The following NFIX variants were observed in gnomAD, a reference collection of about 807,000 sequenced individuals.
NFIX encodes the protein nuclear factor 1 X-type.
A neutral mutation model predicts 53.3 loss-of-function variants in NFIX; 2 were observed. The observed-to-expected ratio is 0.04, with a 90% CI of 0.02 to 0.12. NFIX has a LOEUF of 0.12. Among genes scored for constraint, NFIX ranks in the 10% least tolerant of loss-of-function variants. The pLI, the probability that NFIX is intolerant of heterozygous loss-of-function variation, is 1.00. For synonymous variants in NFIX, 244 were observed against 289.0 expected, an observed-to-expected ratio of 0.84 and a Z score of 1.58; for missense variants, 310 against 674.5, an observed-to-expected ratio of 0.46 and a Z score of 5.99.
chr19:13,004,739 A>G (rs981938494), intron 1 of NFIX, among the ~76,000 whole-genome samples: 3 of 151,994 alleles, frequency 2.0e-5, no homozygotes, highest in Admixed American at 2.0e-4. Context: ...GCAGTCTTCT[A>G]GACTCCGTGG....
intron 2 of NFIX, among the ~76,000 whole-genome samples, chr19:13,065,668 T>C (rs1405511759): frequency 6.6e-6 from 1 of 152,112 alleles, no homozygotes; most frequent in Non-Finnish European, 1.5e-5. Flanking sequence ...TCTCTCTCCT[T>C]TGCTGGCCAC....
chr19:13,075,490 C>G (rs771057967), intron 5 of NFIX, 45 bp from the exon 6 acceptor site: 1 of 1,605,440 alleles, frequency 6.2e-7, no homozygotes, highest in East Asian at 2.2e-5. Flanking sequence ...CTCCCTGGAG[C>G]CTCAGCCCAT....
intron 2 of NFIX, among the ~76,000 whole-genome samples, chr19:13,064,216 A>G (rs369541908): frequency 3.3e-5 from 5 of 152,290 alleles, no homozygotes; most frequent in African/African-American, 1.2e-4. Context: ...CCCCACCATC[A>G]CATGACTCTT....
rs369080075 is a variant in NFIX, at chr19:13,090,408, C to T, written c.1494+18C>T. 4.7e-5 allele frequency: 75 copies of T among 1,609,780 alleles called. No individual in the cohort carries two copies. In the African/African-American group the frequency reaches 9.6e-4, roughly 21 times the overall value. ...AGTCTCAGGTAGGAGACCCTGCCCACCACCTGGATGCAGGGACCAGGGGAG... is the reference window on the plus strand; with the variant it reads ...AGTCTCAGGTAGGAGACCCTGCCCATCACCTGGATGCAGGGACCAGGGGAG... On this transcript the variant is annotated intron_variant, in intron 10 of 10. Coordinates refer to ENST00000592199, the MANE Select transcript of NFIX (RefSeq NM_001365902.3). This position sits in a 1 kb window ranked among gnomAD's most constrained non-coding sequence, Gnocchi z 6.6.
intron 1 of NFIX, 74 bp from the exon 2 acceptor site, chr19:13,024,947 T>C: frequency 1.3e-6 from 2 of 1,539,830 alleles, no homozygotes; most frequent in Non-Finnish European, 1.8e-6. Context: ...TCTCCTTCTC[T>C]CTTTCCCCCT....
In NFIX at chr19:13,006,550, A is replaced by G. The variant is rs1036955078; in HGVS notation, c.27+10686A>G. Among the ~76,000 whole-genome samples the G allele has an allele frequency of 6.6e-6, 1 of 152,200 alleles. No homozygotes were observed. On this transcript the variant is annotated intron_variant, in intron 1 of 10. Transcript: ENST00000592199. The surrounding 1 kb of genome is among the most constrained non-coding windows in gnomAD (Gnocchi z 5.6). Reference sequence around the variant, plus strand: ...CTGAGCTGGGGGATGGGGCAGGGGCAGCTGGTGGCCCAGAGTGGCACTTCC... The same window carrying G: ...CTGAGCTGGGGGATGGGGCAGGGGCGGCTGGTGGCCCAGAGTGGCACTTCC...
chr19:13,008,891 C>T (rs1364165116), intron 1 of NFIX, among the ~76,000 whole-genome samples: 4 of 152,272 alleles, frequency 2.6e-5, no homozygotes, highest in Non-Finnish European at 2.9e-5. Flanking sequence ...CCACTGAATC[C>T]GATGGAAAAG....
At position 13,074,186 on chromosome 19, in the gene NFIX, C is replaced by T. The variant is rs544475700; in HGVS notation, c.818+160C>T. The stretch of plus-strand genomic sequence containing the variant: ...CTCTAACACTTTAGAGTCCACCATG[C>T]GCAGTCACCCACTGAGCTGCTTTGT... On this transcript the variant is annotated intron_variant, in intron 5 of 10. Transcript: ENST00000592199. Among the ~76,000 whole-genome samples, 23 of 152,308 alleles carry T rather than the reference C, an allele frequency of 1.5e-4. No homozygotes were observed. The South Asian group carries it at 2.7e-3, about 18-fold the overall frequency.
At chr19:13,047,710 C>T (rs1337669391) in intron 2 of NFIX, among the ~76,000 whole-genome samples, 6 of 152,138 alleles carry the variant, frequency 3.9e-5, no homozygotes, top group Non-Finnish European at 7.4e-5. Flanking sequence ...CCTTGCTTCC[C>T]GGACATCCCC....
At chr19:13,039,325 G>A in intron 2 of NFIX, among the ~76,000 whole-genome samples, 1 of 151,978 alleles carries the variant, frequency 6.6e-6, no homozygotes, top group Non-Finnish European at 1.5e-5. Context: ...AGTAACTGAG[G>A]ATGATGGTAC....
intron 2 of NFIX, among the ~76,000 whole-genome samples, chr19:13,065,859 G>A (rs2145396361): frequency 6.6e-6 from 1 of 152,310 alleles, no homozygotes; most frequent in Non-Finnish European, 1.5e-5. Context: ...ACTCCCTGGA[G>A]GGCTCCGGGG....
chr19:13,015,352 G>A (rs950595404), intron 1 of NFIX, among the ~76,000 whole-genome samples: 1 of 152,152 alleles, frequency 6.6e-6, no homozygotes, highest in Non-Finnish European at 1.5e-5. Context: ...AGCCAGGGAA[G>A]GGGTAGGCAG....
At chr19:13,059,298 G>A (rs1471792232) in intron 2 of NFIX, among the ~76,000 whole-genome samples, 1 of 152,192 alleles carries the variant, frequency 6.6e-6, no homozygotes, top group Non-Finnish European at 1.5e-5. Context: ...CTGGGTCTGC[G>A]CCTGTCGCCT....
intron 2 of NFIX, among the ~76,000 whole-genome samples, chr19:13,055,396 C>G (rs950562904): frequency 3.3e-5 from 5 of 152,236 alleles, no homozygotes; most frequent in Non-Finnish European, 4.4e-5. Flanking sequence ...GTCCTTCTTG[C>G]ATCCGGGGGC....
chr19:12,995,639 C>G lies in NFIX; in HGVS notation c.-199C>G, dbSNP rs866364266. 27 of 143,752 alleles carry G rather than the reference C, an allele frequency of 1.9e-4. 1 individual carries two copies. The South Asian group carries it at 5.0e-3, about 27-fold the overall frequency. The allele number at this position is 143,752 out of a possible 1,614,324, so 8.9% of individuals were successfully genotyped here. A position where few individuals can be genotyped will look rare whatever the true frequency, so the allele number is the denominator to read the frequency against. ...GCGGCGGCGGCGGCGGCAGCGGCGG[C>G]CCCGGAGCCGGCGGGGCCGAGCTTG... On this transcript the variant is annotated 5_prime_UTR_variant, in exon 1 of 11. Transcript: ENST00000592199.
chr19:13,073,555 T>C lies in NFIX; in HGVS notation c.697+59T>C. On this transcript the variant is annotated intron_variant, in intron 4 of 10. Transcript: ENST00000592199. The surrounding 1 kb of genome is among the most constrained non-coding windows in gnomAD (Gnocchi z 4.5). The stretch of plus-strand genomic sequence containing the variant: ...GGATTGAAAGTGAGGAGGTGGGACC[T>C]CATGGGATGTCCTCCTAATGGGGTC... 6.9e-6 allele frequency: 10 copies of C among 1,444,654 alleles called. No individual in the cohort carries two copies. The highest frequency in any genetic ancestry group is 9.7e-6 in the Non-Finnish European group (10 of 1,026,214). The allele number at this position is 1,444,654 out of a possible 1,614,324, so 89.5% of individuals were successfully genotyped here. A position where few individuals can be genotyped will look rare whatever the true frequency, so the allele number is the denominator to read the frequency against.
At chr19:13,079,827 C>T (rs1477424202) in intron 7 of NFIX, among the ~76,000 whole-genome samples, 4 of 152,176 alleles carry the variant, frequency 2.6e-5, no homozygotes, top group Non-Finnish European at 5.9e-5. Context: ...TGGAAACAGA[C>T]GGGAGGAGGA....
chr19:13,038,764 G>T (rs905493862), intron 2 of NFIX, among the ~76,000 whole-genome samples: 1 of 152,164 alleles, frequency 6.6e-6, no homozygotes, highest in Admixed American at 6.5e-5. Context: ...TGCTGGCCTC[G>T]GACAGGGCCC....
chr19:13,075,535 C>T lies in NFIX; in HGVS notation c.819C>T (p.Ser273=). 6.2e-7 allele frequency: 1 copy of T among 1,613,546 alleles called. No individual in the cohort carries two copies. The highest frequency in any genetic ancestry group is 8.5e-7 in the Non-Finnish European group (1 of 1,179,670). The part of the protein sequence containing the change: ...RRSITSPPST[S]TTKRPKSIDD... Reference sequence around the variant, plus strand: ...ATGTGACCCTTTCTTTCTTCCCCAGCACCACCAAGCGCCCCAAGTCCATCG... The same window carrying T: ...ATGTGACCCTTTCTTTCTTCCCCAGTACCACCAAGCGCCCCAAGTCCATCG... Residue 273 remains serine, a splice_region_variant and synonymous_variant, in exon 6 of 11, where the codon AGC becomes AGT. Transcript: ENST00000592199.
Sources: gnomAD v4.1 joint callset for allele counts (sites outside exome capture counted in the v4.1 genomes callset) on GRCh38, gnomAD v4.1.1 for gene constraint, Gnocchi (gnomAD v3.1) non-coding constraint, MANE v1.5 for transcripts, NCBI Gene and HGNC (gene_info 2026-07-23, HGNC 2026-07-21) for gene names.